Variants in RAI1 observed in about 807,000 individuals in gnomAD.
RAI1 encodes retinoic acid-induced protein 1.
Under a neutral mutation model 123.8 loss-of-function variants are expected in RAI1, and 9 were observed. That is an observed-to-expected ratio of 0.07 (90% CI 0.04 to 0.13). The LOEUF is 0.13. Ranked by LOEUF, RAI1 falls within the 10% of genes least tolerant of loss-of-function variation. RAI1 has a pLI of 1.00. For synonymous variants in RAI1, 1,231 were observed against 1,127.3 expected (o/e 1.09, Z -1.84); for missense variants, 2,256 against 2,545.8 (o/e 0.89, Z 2.45).
chr17:17,754,314 C>T (rs888128610), intron 2 of RAI1, among the ~76,000 whole-genome samples: 6 of 149,212 alleles, frequency 4.0e-5, no homozygotes, highest in African/African-American at 1.5e-4. Flanking sequence ...AAGCAGTTCT[C>T]CTGCCTCAGC....
At chr17:17,808,910 T>G (rs981011826) in intron 4 of RAI1, among the ~76,000 whole-genome samples, 3 of 152,188 alleles carry the variant, frequency 2.0e-5, no homozygotes, top group African/African-American at 4.8e-5. Context: ...GTTCATGACA[T>G]GCTCACTGGA....
Position 17,795,366 on chromosome 17 carries a change from G to C in RAI1, c.2418G>C (p.Leu806Phe), listed in dbSNP as rs758427779. Residue 806 changes from leucine to phenylalanine, a missense_variant, in exon 3 of 6, where the codon TTG becomes TTC. Leu to Phe is a conservative substitution (Grantham distance 22, BLOSUM62 0). Transcript: ENST00000353383. The surrounding 1 kb of genome is among the most constrained non-coding windows in gnomAD (Gnocchi z 5.9). ...CCCCTGGGGAGAAGGTGGCCTCGTT[G>C]CCCGGGGACTTCAAGCAGGAGGAGG... is the stretch of plus-strand genomic sequence containing the variant. The part of the protein sequence containing the change: ...EDPPGEKVAS[L>F]PGDFKQEEVG... 1.3e-6 allele frequency: 2 copies of C among 1,595,424 alleles called. No individual in the cohort carries two copies. The highest frequency in any genetic ancestry group is 2.7e-5 in the African/African-American group (2 of 74,434).
intron 2 of RAI1, among the ~76,000 whole-genome samples, chr17:17,751,942 C>T (rs2030191241): frequency 6.6e-6 from 1 of 152,184 alleles, no homozygotes; most frequent in African/African-American, 2.4e-5. Context: ...CCATAGAAGC[C>T]ACCAAGGGCA....
chr17:17,686,830 C>T (rs898276134), intron 1 of RAI1, among the ~76,000 whole-genome samples: 38 of 152,096 alleles, frequency 2.5e-4, no homozygotes, highest in African/African-American at 8.4e-4. Context: ...TCGTCTCACA[C>T]CACCATCAGC....
chr17:17,682,256 G>A (rs1428472729), intron 1 of RAI1, among the ~76,000 whole-genome samples: 1 of 152,168 alleles, frequency 6.6e-6, no homozygotes, highest in Middle Eastern at 3.4e-3. Flanking sequence ...CGTGACCCGG[G>A]CCCGGCGTGG....
In RAI1 at chr17:17,810,059, AG is replaced by A; in HGVS notation, c.*79del. On this transcript the variant is annotated 3_prime_UTR_variant, in exon 6 of 6. Transcript: ENST00000353383. The surrounding 1 kb of genome is among the most constrained non-coding windows in gnomAD (Gnocchi z 4.6). ...GCCGAAGGAGAGGAGCCGCCTGCGCAGCCCCCGGGCCTTTGAGCTGCTCCCA... is the reference window on the plus strand; with the variant it reads ...GCCGAAGGAGAGGAGCCGCCTGCGCACCCCCGGGCCTTTGAGCTGCTCCCA... 6.5e-7 allele frequency: 1 copy of A among 1,530,166 alleles called. No homozygotes were observed. Among genetic ancestry groups the A allele is most frequent in the Non-Finnish European group, 8.8e-7 (1 of 1,137,028 alleles). 94.8% of individuals were successfully genotyped at this position (1,530,166 alleles called of 1,614,324 possible). A position where few individuals can be genotyped will look rare whatever the true frequency, so the allele number is the denominator to read the frequency against.
At chr17:17,742,218 C>G (rs890695147) in intron 2 of RAI1, among the ~76,000 whole-genome samples, 7 of 152,236 alleles carry the variant, frequency 4.6e-5, no homozygotes, top group Non-Finnish European at 7.3e-5. Context: ...CATGGCTTTG[C>G]CCTGCTTGCC....
chr17:17,743,114 G>A (rs766165423), intron 2 of RAI1, among the ~76,000 whole-genome samples: 2 of 152,036 alleles, frequency 1.3e-5, no homozygotes, highest in Admixed American at 6.5e-5. Context: ...TTAGCCTCCC[G>A]AGTAGTTGGG....
At chr17:17,754,589 T>G (rs1194506021) in intron 2 of RAI1, among the ~76,000 whole-genome samples, 1 of 152,208 alleles carries the variant, frequency 6.6e-6, no homozygotes, top group Non-Finnish European at 1.5e-5. Flanking sequence ...CTCAAGTTAG[T>G]GGCACTAGTA....
intron 2 of RAI1, among the ~76,000 whole-genome samples, chr17:17,751,493 G>A (rs2030168319): frequency 6.6e-6 from 1 of 152,200 alleles, no homozygotes; most frequent in Non-Finnish European, 1.5e-5. Context: ...CTTGTCCGTA[G>A]AGAAGGAAAG....
At chr17:17,782,579 T>G (rs1163278498) in intron 2 of RAI1, among the ~76,000 whole-genome samples, 1 of 148,304 alleles carries the variant, frequency 6.7e-6, no homozygotes, top group Non-Finnish European at 1.5e-5. Flanking sequence ...GCTCCATTAT[T>G]CATTATTTAC....
At chr17:17,682,818 G>C (rs1914485779) in intron 1 of RAI1, among the ~76,000 whole-genome samples, 1 of 152,040 alleles carries the variant, frequency 6.6e-6, no homozygotes, top group African/African-American at 2.4e-5. Flanking sequence ...GCGGGCTGCC[G>C]CGGTGCTCTC....
In RAI1 at chr17:17,799,499, A is replaced by C. The variant is rs535688216; in HGVS notation, c.5565+986A>C. Among the ~76,000 whole-genome samples, 2 of 149,634 alleles carry C rather than the reference A, an allele frequency of 1.3e-5. No homozygotes were observed. Among genetic ancestry groups the C allele is most frequent in the East Asian group, 2.0e-4 (1 of 5,054 alleles). On this transcript the variant is annotated intron_variant, in intron 3 of 5. Transcript: ENST00000353383. The surrounding 1 kb of genome is among the most constrained non-coding windows in gnomAD (Gnocchi z 4.5). Reference sequence around the variant, plus strand: ...GCTTCTGCCCCCACATTCAACCCCGACTCCACTGCCTCATCCAGACTTCCG... The same window carrying C: ...GCTTCTGCCCCCACATTCAACCCCGCCTCCACTGCCTCATCCAGACTTCCG...
At chr17:17,727,391 T>C (rs1371025427) in intron 2 of RAI1, among the ~76,000 whole-genome samples, 1 of 152,228 alleles carries the variant, frequency 6.6e-6, no homozygotes, top group Non-Finnish European at 1.5e-5. Context: ...TCTGAAAAGA[T>C]TCCTGAGGTC....
At chr17:17,756,104 T>C (rs1017695189) in intron 2 of RAI1, among the ~76,000 whole-genome samples, 3 of 152,154 alleles carry the variant, frequency 2.0e-5, no homozygotes, top group Non-Finnish European at 4.4e-5. Context: ...TGTGTCCCTG[T>C]TCCCCTGGGA....
At chr17:17,723,409 A>G (rs1915953251) in intron 1 of RAI1, among the ~76,000 whole-genome samples, 1 of 146,334 alleles carries the variant, frequency 6.8e-6, no homozygotes, top group Admixed American at 7.0e-5. Flanking sequence ...ATTGATACAC[A>G]CACGGACCTA....
At chr17:17,686,065 G>A (rs1023823642) in intron 1 of RAI1, among the ~76,000 whole-genome samples, 1 of 152,258 alleles carries the variant, frequency 6.6e-6, no homozygotes, top group Non-Finnish European at 1.5e-5. Context: ...GCCAGTGTCT[G>A]TCCTCCCCAT....
At chr17:17,752,228 A>G (rs537166214) in intron 2 of RAI1, among the ~76,000 whole-genome samples, 1 of 152,238 alleles carries the variant, frequency 6.6e-6, no homozygotes, top group South Asian at 2.1e-4. Context: ...GCAGGTAGCC[A>G]TGGTGACAGC....
At chr17:17,791,476 CCT>C (rs2032011281) in intron 2 of RAI1, among the ~76,000 whole-genome samples, 1 of 152,164 alleles carries the variant, frequency 6.6e-6, no homozygotes, top group African/African-American at 2.4e-5. Flanking sequence ...CCCCTCTCCC[CCT>C]CTCTTTGTCC....
Sources: allele counts gnomAD v4.1 joint callset (sites outside exome capture counted in the v4.1 genomes callset), GRCh38; gene constraint gnomAD v4.1.1; non-coding constraint Gnocchi (gnomAD v3.1); transcripts MANE v1.5; gene names NCBI Gene and HGNC (gene_info 2026-07-23, HGNC 2026-07-21).